Variants in ZFHX4 observed in about 807,000 individuals in gnomAD.
ZFHX4 encodes the protein zinc finger homeobox protein 4.
In ZFHX4, 56 loss-of-function variants were observed where a neutral mutation model predicts 267.6. The ratio of observed to expected loss-of-function variants is 0.21; its 90% confidence interval spans 0.17 to 0.26. ZFHX4 has a LOEUF of 0.26. Ranked by LOEUF, ZFHX4 falls within the 10% of genes least tolerant of loss-of-function variation. The pLI is 1.00. For synonymous variants in ZFHX4, 1,778 were observed against 1,665.6 expected (o/e 1.07, Z -1.64); for missense variants, 4,332 against 4,420.0 (o/e 0.98, Z 0.56).
intron 4 of ZFHX4, among the ~76,000 whole-genome samples, chr8:76,830,358 C>T (rs555355932): frequency 3.9e-5 from 6 of 152,172 alleles, no homozygotes; most frequent in South Asian, 2.1e-4. Flanking sequence ...ATTAAAACAA[C>T]GAAGGTCAGG....
intron 1 of ZFHX4, among the ~76,000 whole-genome samples, chr8:76,686,999 C>T (rs751204154): frequency 2.6e-5 from 4 of 152,144 alleles, no homozygotes. Context: ...AACTGAGAAG[C>T]GCCCAGGGAA....
chr8:76,688,852 T>A (rs1268876590), intron 1 of ZFHX4, among the ~76,000 whole-genome samples: 1 of 152,130 alleles, frequency 6.6e-6, no homozygotes. Flanking sequence ...TAACCCAACT[T>A]GTTTGTTGCT....
At chr8:76,760,491 C>T (rs1009310369) in intron 3 of ZFHX4, among the ~76,000 whole-genome samples, 1 of 152,060 alleles carries the variant, frequency 6.6e-6, no homozygotes, top group Non-Finnish European at 1.5e-5. Context: ...AAATCACATA[C>T]AGTATCTGAT....
chr8:76,712,712 T>C (rs1808458585), intron 3 of ZFHX4, among the ~76,000 whole-genome samples: 1 of 152,200 alleles, frequency 6.6e-6, no homozygotes, highest in Admixed American at 6.5e-5. Flanking sequence ...TTTTCAGAGA[T>C]AAACAAAAGT....
Position 76,778,264 on chromosome 8 carries a change from C to T in ZFHX4, c.3150C>T (p.Ala1050=), listed in dbSNP as rs144357822. 8.2e-4 allele frequency: 1,324 copies of T among 1,613,736 alleles called. 4 individuals carry two copies. In the African/African-American group the frequency reaches 0.013, roughly 16 times the overall value. ...VNPESCYYYC[A]VCDYTTKVKL... is the part of the protein sequence containing the mutation. ...CCGAATCCTGCTATTACTACTGTGCCGTGTGTGATTACACCACCAAGGTCA... is the reference window on the plus strand; with the variant it reads ...CCGAATCCTGCTATTACTACTGTGCTGTGTGTGATTACACCACCAAGGTCA... Residue 1050 remains alanine (A), a synonymous_variant, in exon 4 of 11, where the codon GCC becomes GCT. Transcript: ENST00000651372.
chr8:76,840,323 G>T (rs762879925), intron 5 of ZFHX4, among the ~76,000 whole-genome samples: 7 of 152,144 alleles, frequency 4.6e-5, no homozygotes, highest in African/African-American at 7.2e-5. Flanking sequence ...AGTTGATGGG[G>T]AGCGTCTATC....
intron 4 of ZFHX4, among the ~76,000 whole-genome samples, chr8:76,792,612 G>A (rs1405117282): frequency 2.0e-5 from 3 of 152,120 alleles, no homozygotes; most frequent in Non-Finnish European, 4.4e-5. Flanking sequence ...AGATCCTTAA[G>A]CAAATAGTTC....
intron 1 of ZFHX4, chr8:76,703,766 C>T: frequency 3.9e-6 from 1 of 257,394 alleles, no homozygotes; most frequent in Admixed American, 4.9e-5. Context: ...AATGAAAAAA[C>T]TCAGGATTAT....
chr8:76,713,222 C>T (rs1249638012), intron 3 of ZFHX4, among the ~76,000 whole-genome samples: 1 of 151,950 alleles, frequency 6.6e-6, no homozygotes, highest in African/African-American at 2.4e-5. Context: ...CTCTTTGTAC[C>T]ATACCAGAAA....
In ZFHX4 at chr8:76,852,791, A is replaced by G. The variant is rs1365373571; in HGVS notation, c.5870A>G (p.Asn1957Ser). The change falls in exon 10 of 11, where the codon AAT becomes AGT. Residue 1957 changes from asparagine to serine, a missense_variant. This residue lies in a region of ZFHX4 where 1,371 missense variants were observed against 1,423.1 expected (regional missense o/e 0.96). Transcript: ENST00000651372. ...GGAACATGTGGTAAATTGTTTTCCA[A>G]TGTTCTTATTTTAAAGAGTCACCAA... is the stretch of plus-strand genomic sequence containing the variant. ...ECGTCGKLFS[N>S]VLILKSHQEH... The G allele has an allele frequency of 1.9e-6, 3 of 1,613,464 alleles. No homozygotes were observed. The highest frequency in any genetic ancestry group is 1.7e-5 in the Admixed American group (1 of 59,934).
chr8:76,839,261 A>G (rs1288669012), intron 5 of ZFHX4, among the ~76,000 whole-genome samples: 1 of 152,224 alleles, frequency 6.6e-6, no homozygotes, highest in East Asian at 1.9e-4. Flanking sequence ...TAGTCATTCA[A>G]AAACACTTAT....
intron 4 of ZFHX4, among the ~76,000 whole-genome samples, chr8:76,822,452 C>CTTTTTT (rs5892566): frequency 5.9e-4 from 69 of 116,076 alleles, no homozygotes; most frequent in African/African-American, 1.1e-3. Flanking sequence ...GTGTCTACCT[C>CTTTTTT]TTTTTTTTTT....
chr8:76,811,030 C>G (rs1049177609), intron 4 of ZFHX4, among the ~76,000 whole-genome samples: 1 of 152,128 alleles, frequency 6.6e-6, no homozygotes, highest in African/African-American at 2.4e-5. Context: ...TGGTGGGAAG[C>G]AGTATATATC....
At chr8:76,786,907 G>T (rs1242107214) in intron 4 of ZFHX4, among the ~76,000 whole-genome samples, 3 of 152,092 alleles carry the variant, frequency 2.0e-5, no homozygotes, top group African/African-American at 7.2e-5. Flanking sequence ...AGATTTATTG[G>T]CAGAAACCAT....
At chr8:76,857,547 A>G (rs1586019813) in intron 10 of ZFHX4, among the ~76,000 whole-genome samples, 2 of 152,192 alleles carry the variant, frequency 1.3e-5, no homozygotes, top group East Asian at 3.9e-4. Flanking sequence ...TGTGAAAACA[A>G]TGACATCCTA....
intron 3 of ZFHX4, among the ~76,000 whole-genome samples, chr8:76,751,896 G>A (rs1004617108): frequency 6.6e-5 from 10 of 152,082 alleles, no homozygotes; most frequent in Admixed American, 4.6e-4. Context: ...GTCATCAACC[G>A]CATGCAAGGA....
At chr8:76,783,201 A>T (rs1362652859) in intron 4 of ZFHX4, among the ~76,000 whole-genome samples, 1 of 152,048 alleles carries the variant, frequency 6.6e-6, no homozygotes, top group African/African-American at 2.4e-5. Context: ...TTTAACCTGG[A>T]TCATCTTCCA....
In ZFHX4 at chr8:76,856,314, A is replaced by G; in HGVS notation, c.9379+14A>G. 1 of 1,613,142 alleles carries G rather than the reference A, an allele frequency of 6.2e-7. No individual in the cohort carries two copies. Among genetic ancestry groups the G allele is most frequent in the Non-Finnish European group, 8.5e-7 (1 of 1,179,560 alleles). Reference sequence around the variant, plus strand: ...AAAATTCAAACAGTAAGTCATTTAAAGGAGACTCAGTCTAGTTAATTAAGT... The same window carrying G: ...AAAATTCAAACAGTAAGTCATTTAAGGGAGACTCAGTCTAGTTAATTAAGT... On this transcript the variant is annotated intron_variant, in intron 10 of 10. Coordinates refer to ENST00000651372, the MANE Select transcript of ZFHX4 (RefSeq NM_024721.5).
rs780894776 is a variant in ZFHX4, at chr8:76,705,808, C to T, written c.1720C>T (p.Pro574Ser). The stretch of plus-strand genomic sequence containing the variant: ...TAAAGACAGTGCCACAGCTGCTCAT[C>T]CAAGTGAAATAGCCCGGGGAGACGA... ...ASKDSATAAH[P>S]SEIARGDEDS... Residue 574 changes from proline (P) to serine (S), a missense_variant, in exon 2 of 11, where the codon CCA becomes TCA. Physicochemically the swap from Pro to Ser is moderately conservative, Grantham distance 74 (BLOSUM62 -1). Around this residue, in one of 7 missense-constraint regions of ZFHX4, gnomAD observed 1,195 missense variants for 1,173.6 expected, o/e 1.02. Transcript: ENST00000651372. The T allele has an allele frequency of 1.2e-6, 2 of 1,613,804 alleles. No individual in the cohort carries two copies. Among genetic ancestry groups the T allele is most frequent in the Non-Finnish European group, 1.7e-6 (2 of 1,179,886 alleles).
Sources: gnomAD v4.1 joint callset for allele counts (sites outside exome capture counted in the v4.1 genomes callset) on GRCh38, gnomAD v4.1.1 for gene constraint, gnomAD v4.1.1 regional missense constraint, MANE v1.5 for transcripts, NCBI Gene and HGNC (gene_info 2026-07-23, HGNC 2026-07-21) for gene names.